FKBP5: variants seen among roughly 807,000 people sequenced by gnomAD.
The protein encoded by FKBP5 is FKBP prolyl isomerase 5, also known as peptidyl-prolyl cis-trans isomerase FKBP5.
A neutral mutation model predicts 50.5 loss-of-function variants in FKBP5; 23 were observed. The ratio of observed to expected loss-of-function variants is 0.46; its 90% CI spans 0.33 to 0.65. The LOEUF is 0.65. Ranked by LOEUF, FKBP5 falls within the 30% of genes least tolerant of loss-of-function variation. The pLI is 0.02. For synonymous variants in FKBP5, 176 were observed against 190.6 expected (o/e 0.92, Z 0.63); for missense variants, 411 against 553.1 (o/e 0.74, Z 2.58).
chr6:35,640,193 C>T (rs1226100314), intron 2 of FKBP5, among the ~76,000 whole-genome samples: 1 of 152,190 alleles, frequency 6.6e-6, no homozygotes, highest in Non-Finnish European at 1.5e-5. Flanking sequence ...GTGAACATCG[C>T]AGAGTGTACT....
intron 9 of FKBP5, among the ~76,000 whole-genome samples, chr6:35,578,934 A>G (rs1445263850): frequency 6.6e-6 from 1 of 151,894 alleles, no homozygotes; most frequent in Non-Finnish European, 1.5e-5. Context: ...GCTCTTTGGA[A>G]GACCCCCATC....
At chr6:35,715,677 G>C (rs1217424264) in intron 2 of FKBP5, among the ~76,000 whole-genome samples, 1 of 152,334 alleles carries the variant, frequency 6.6e-6, no homozygotes, top group South Asian at 2.1e-4. Flanking sequence ...ACGTGCAGCT[G>C]GGGGCAGGCT....
chr6:35,619,334 A>G (rs1763755456), intron 4 of FKBP5, 124 bp from the exon 5 acceptor site: 3 of 582,358 alleles, frequency 5.2e-6, no homozygotes, highest in Admixed American at 3.1e-5. Context: ...ATATACATTC[A>G]TTTATGCATC....
chr6:35,663,477 TC>T (rs1200361688), intron 1 of FKBP5, among the ~76,000 whole-genome samples: 1 of 152,218 alleles, frequency 6.6e-6, no homozygotes, highest in Non-Finnish European at 1.5e-5. Context: ...ACTCTGGCAC[TC>T]CAATGGTTTC....
intron 5 of FKBP5, among the ~76,000 whole-genome samples, chr6:35,616,478 A>G (rs1421289659): frequency 6.6e-6 from 1 of 152,088 alleles, no homozygotes; most frequent in African/African-American, 2.4e-5. Context: ...TGATAAATGT[A>G]CTGTGATTAG....
chr6:35,620,652 T>C (rs1187117900), intron 3 of FKBP5, among the ~76,000 whole-genome samples: 2 of 150,690 alleles, frequency 1.3e-5, no homozygotes, highest in African/African-American at 4.9e-5. Flanking sequence ...GAGGCTGTGG[T>C]GGGAGGACAG....
chr6:35,676,292 A>G (rs1289657143), intron 1 of FKBP5, among the ~76,000 whole-genome samples: 1 of 152,240 alleles, frequency 6.6e-6, no homozygotes, highest in Non-Finnish European at 1.5e-5. Flanking sequence ...CCGCTATCGG[A>G]AACAGAAAAG....
At chr6:35,615,142 CA>C (rs1561858937) in intron 5 of FKBP5, among the ~76,000 whole-genome samples, 8 of 115,976 alleles carry the variant, frequency 6.9e-5, no homozygotes, top group Middle Eastern at 3.7e-3. Context: ...ACAACAACAA[CA>C]ACAACAACAA....
At chr6:35,582,603 C>T (rs978519866) in intron 8 of FKBP5, 40 of 915,812 alleles carry the variant, frequency 4.4e-5, no homozygotes, top group Non-Finnish European at 5.1e-5. Context: ...CTGGGACTTA[C>T]AGTCTCCAGA....
chr6:35,728,337 C>G (rs1011895177), intron 1 of FKBP5, among the ~76,000 whole-genome samples: 2 of 152,118 alleles, frequency 1.3e-5, no homozygotes, highest in Non-Finnish European at 2.9e-5. Context: ...TCCACGTGGC[C>G]GGTTTGCGCA....
At chr6:35,664,404 A>G (rs1474736391) in intron 1 of FKBP5, among the ~76,000 whole-genome samples, 2 of 152,160 alleles carry the variant, frequency 1.3e-5, no homozygotes, top group African/African-American at 4.8e-5. Flanking sequence ...ACCATATTCA[A>G]TTTCAGGAAT....
intron 1 of FKBP5, among the ~76,000 whole-genome samples, chr6:35,676,702 T>C (rs1402777775): frequency 6.6e-6 from 1 of 152,234 alleles, no homozygotes; most frequent in African/African-American, 2.4e-5. Context: ...TAGGGCAATA[T>C]AGTATTTCAT....
chr6:35,701,895 T>C (rs1374737966), intron 2 of FKBP5, among the ~76,000 whole-genome samples: 1 of 151,466 alleles, frequency 6.6e-6, no homozygotes, highest in East Asian at 1.9e-4. Context: ...TCACCCAGGC[T>C]GGAGTGCAAT....
intron 1 of FKBP5, among the ~76,000 whole-genome samples, chr6:35,723,976 C>T (rs568102031): frequency 6.6e-6 from 1 of 152,352 alleles, no homozygotes; most frequent in South Asian, 2.1e-4. Flanking sequence ...CTTAGCTGCT[C>T]TTGCTTCAGT....
intron 8 of FKBP5, 171 bp downstream of exon 8, chr6:35,586,863 C>A: frequency 2.1e-6 from 3 of 1,437,096 alleles, no homozygotes; most frequent in South Asian, 1.5e-5. Flanking sequence ...TTTTTTTCCA[C>A]ATGATTGTTT....
At chr6:35,647,639 G>C (rs1764666775) in intron 1 of FKBP5, among the ~76,000 whole-genome samples, 1 of 152,238 alleles carries the variant, frequency 6.6e-6, no homozygotes, top group Non-Finnish European at 1.5e-5. Context: ...GAGTGAGCTA[G>C]GGGAATGCAC....
At chr6:35,618,887 G>C (rs1314641931) in intron 5 of FKBP5, among the ~76,000 whole-genome samples, 1 of 151,884 alleles carries the variant, frequency 6.6e-6, no homozygotes, top group Non-Finnish European at 1.5e-5. Context: ...GTAGAGATGG[G>C]GTTTCGCCAT....
At chr6:35,614,520 G>A (rs1763585774) in intron 5 of FKBP5, among the ~76,000 whole-genome samples, 1 of 152,062 alleles carries the variant, frequency 6.6e-6, no homozygotes, top group Non-Finnish European at 1.5e-5. Context: ...TCACATTGAA[G>A]GGGGTGAGGA....
intron 1 of FKBP5, among the ~76,000 whole-genome samples, chr6:35,679,204 C>T (rs1462540133): frequency 1.3e-5 from 2 of 152,214 alleles, no homozygotes; most frequent in East Asian, 1.9e-4. Context: ...AGACAATTCT[C>T]TACGATTCTG....
Sources: gnomAD v4.1 joint callset for allele counts (sites outside exome capture counted in the v4.1 genomes callset) on GRCh38, gnomAD v4.1.1 for gene constraint, MANE v1.5 for transcripts, NCBI Gene and HGNC (gene_info 2026-07-23, HGNC 2026-07-21) for gene names.